FHOD3: variants seen among roughly 807,000 people sequenced by gnomAD.
The protein encoded by FHOD3 is FH1/FH2 domain-containing protein 3.
Under a neutral mutation model 173.0 loss-of-function variants are expected in FHOD3, and 90 were observed. The ratio of observed to expected loss-of-function variants is 0.52; its 90% CI spans 0.44 to 0.62. The LOEUF is 0.62. FHOD3 is among the 20% of genes least tolerant of loss of function. The pLI, the probability that FHOD3 is intolerant of heterozygous loss-of-function variation, is 0.00. For synonymous variants in FHOD3, 828 were observed against 823.0 expected, an observed-to-expected ratio of 1.01 and a Z score of -0.10; for missense variants, 1,945 against 2,034.7, an observed-to-expected ratio of 0.96 and a Z score of 0.85.
chr18:36,523,126 C>T (rs1470169411), intron 5 of FHOD3, among the ~76,000 whole-genome samples: 1 of 121,938 alleles, frequency 8.2e-6, no homozygotes, highest in Non-Finnish European at 1.8e-5. Context: ...TGTCTGGGCC[C>T]CAGCGTTCCT....
chr18:36,321,262 C>T (rs1598703163), intron 1 of FHOD3, among the ~76,000 whole-genome samples: 1 of 152,154 alleles, frequency 6.6e-6, no homozygotes, highest in African/African-American at 2.4e-5. Context: ...TAGGTTGAGG[C>T]CAGGGCCCAT....
intron 1 of FHOD3, among the ~76,000 whole-genome samples, chr18:36,305,031 T>G (rs1454409250): frequency 6.6e-6 from 1 of 152,204 alleles, no homozygotes; most frequent in Non-Finnish European, 1.5e-5. Flanking sequence ...GTTGTATACC[T>G]TGGCACCCTT....
rs555108677 is a variant in FHOD3, at chr18:36,366,006, C to T, written c.273-6674C>T. ...GCACATGTTGCCCAGGGTGCTTCCA[C>T]CTGGGTCCCCTGTGTGTCTCGGACT... On this transcript the variant is annotated intron_variant, in intron 2 of 28. Transcript: ENST00000590592. Among the ~76,000 whole-genome samples, 6 of 152,258 alleles carry T rather than the reference C, an allele frequency of 3.9e-5. No individual in the cohort carries two copies. The South Asian group carries it at 1.2e-3, about 32-fold the overall frequency.
chr18:36,685,235 T>G (rs995143231), intron 15 of FHOD3, among the ~76,000 whole-genome samples: 3 of 152,218 alleles, frequency 2.0e-5, no homozygotes, highest in Non-Finnish European at 4.4e-5. Context: ...TTCAAGTGAT[T>G]CTAACTTGTC....
intron 1 of FHOD3, among the ~76,000 whole-genome samples, chr18:36,306,568 A>G (rs976592347): frequency 6.6e-6 from 1 of 152,196 alleles, no homozygotes; most frequent in Non-Finnish European, 1.5e-5. Context: ...AAAAAATAAG[A>G]GTCAGGTCAT....
rs115847008 is a variant in FHOD3 at position 36,658,502 on chromosome 18, G to A, written c.1835+314G>A. Among the ~76,000 whole-genome samples, 821 of 152,210 alleles carry A rather than the reference G, an allele frequency of 5.4e-3. 9 individuals are homozygous for A. The highest frequency in any genetic ancestry group is 0.019 in the African/African-American group (773 of 41,536). On this transcript the variant is annotated intron_variant, in intron 14 of 28. Transcript: ENST00000590592. Reference sequence around the variant, plus strand: ...CCTTAAAAACTGTTCTAGATTTTACGTAAGCTCTGCAATTTGTTATATACA... The same window carrying A: ...CCTTAAAAACTGTTCTAGATTTTACATAAGCTCTGCAATTTGTTATATACA...
At chr18:36,761,260 G>C (rs1280824754) in intron 27 of FHOD3, among the ~76,000 whole-genome samples, 1 of 152,146 alleles carries the variant, frequency 6.6e-6, no homozygotes, top group Non-Finnish European at 1.5e-5. Flanking sequence ...CTACCCCTTT[G>C]TCCCTTTTTC....
At chr18:36,619,942 AG>A (rs1197340681) in intron 9 of FHOD3, among the ~76,000 whole-genome samples, 7 of 152,152 alleles carry the variant, frequency 4.6e-5, no homozygotes, top group African/African-American at 1.4e-4. Flanking sequence ...GGGTGGCTAC[AG>A]GGGTAGGGCC....
At chr18:36,456,947 T>C (rs532105634) in intron 3 of FHOD3, among the ~76,000 whole-genome samples, 1 of 152,158 alleles carries the variant, frequency 6.6e-6, no homozygotes, top group African/African-American at 2.4e-5. Context: ...TAAGGAGGAT[T>C]CTGTGTTTCC....
chr18:36,745,978 A>G (rs1262576246), intron 23 of FHOD3, among the ~76,000 whole-genome samples: 1 of 150,744 alleles, frequency 6.6e-6, no homozygotes, highest in Non-Finnish European at 1.5e-5. Flanking sequence ...ACACCCACTT[A>G]CCTATTTCTT....
At chr18:36,373,200 C>T (rs1195710759) in intron 3 of FHOD3, among the ~76,000 whole-genome samples, 1 of 152,132 alleles carries the variant, frequency 6.6e-6, no homozygotes, top group African/African-American at 2.4e-5. Context: ...TGCTCTTAAG[C>T]AAGCAAACAT....
chr18:36,447,513 A>G (rs1230184386), intron 3 of FHOD3, among the ~76,000 whole-genome samples: 2 of 151,884 alleles, frequency 1.3e-5, no homozygotes, highest in Non-Finnish European at 2.9e-5. Context: ...TTTTCCCCCA[A>G]TAGGGTGGCA....
In FHOD3 at chr18:36,717,849, G is replaced by T. The variant is rs1172727181; in HGVS notation, c.2551G>T (p.Val851Phe). 4 of 1,582,688 alleles carry T rather than the reference G, an allele frequency of 2.5e-6. No individual in the cohort carries two copies. Among genetic ancestry groups the T allele is most frequent in the Non-Finnish European group, 3.4e-6 (4 of 1,162,700 alleles). The change falls in exon 19 of 29, where the codon GTC becomes TTC. Residue 851 changes from valine (V) to phenylalanine (F), a missense_variant. Val to Phe is a conservative substitution (Grantham distance 50). This residue lies in a region of FHOD3 where 1,099 missense variants were observed against 1,051.2 expected (regional missense o/e 1.05). Coordinates refer to ENST00000590592, the MANE Select transcript of FHOD3 (RefSeq NM_001281740.3). ...ACTTTCAGGTTTGTGGCCCGCAGGT[G>T]TCCAGGATGCAGGTGTAAATGGACA... ...DRTTGLWPAG[V>F]QDAGVNGQCG...
intron 14 of FHOD3, among the ~76,000 whole-genome samples, chr18:36,660,605 C>T (rs1398601836): frequency 6.6e-6 from 1 of 152,146 alleles, no homozygotes; most frequent in Non-Finnish European, 1.5e-5. Flanking sequence ...GAGGTTCAGG[C>T]TTGCACGAGT....
chr18:36,502,069 A>G, intron 4 of FHOD3, 70 bp downstream of exon 4: 1 of 978,116 alleles, frequency 1.0e-6, no homozygotes, highest in South Asian at 1.7e-5. Flanking sequence ...GCAAGCTTCT[A>G]CCTGTACTTG....
At position 36,375,457 on chromosome 18, in the gene FHOD3, C is replaced by T. The variant is rs1210467376; in HGVS notation, c.337+2713C>T. On this transcript the variant is annotated intron_variant, in intron 3 of 28. Coordinates refer to ENST00000590592, the MANE Select transcript of FHOD3 (RefSeq NM_001281740.3). ...AGGATCCAGGACCAGGGTTTGTCTCCTGGGCTTAAAATGCTATCAAGTAAA... is the reference window on the plus strand; with the variant it reads ...AGGATCCAGGACCAGGGTTTGTCTCTTGGGCTTAAAATGCTATCAAGTAAA... Among the ~76,000 whole-genome samples the T allele has an allele frequency of 3.3e-5, 5 of 152,332 alleles. No individual in the cohort carries two copies. The South Asian group carries it at 8.3e-4, about 25-fold the overall frequency.
intron 5 of FHOD3, among the ~76,000 whole-genome samples, chr18:36,535,546 T>C (rs922180575): frequency 1.3e-5 from 2 of 152,208 alleles, no homozygotes; most frequent in Non-Finnish European, 2.9e-5. Flanking sequence ...TTGATTTGCC[T>C]GAAGCCAGAA....
intron 3 of FHOD3, among the ~76,000 whole-genome samples, chr18:36,395,166 T>C (rs2048491629): frequency 6.6e-6 from 1 of 152,094 alleles, no homozygotes; most frequent in Non-Finnish European, 1.5e-5. Flanking sequence ...TTTTTTTTCT[T>C]TTTTTGTGTG....
chr18:36,421,118 A>G (rs2049961294), intron 3 of FHOD3, among the ~76,000 whole-genome samples: 2 of 152,148 alleles, frequency 1.3e-5, no homozygotes, highest in South Asian at 4.1e-4. Flanking sequence ...TAAAGTTGAA[A>G]CTATTCTGGT....
Sources: allele counts gnomAD v4.1 joint callset (sites outside exome capture counted in the v4.1 genomes callset), GRCh38; gene constraint gnomAD v4.1.1; regional missense constraint gnomAD v4.1.1; transcripts MANE v1.5; gene names NCBI Gene and HGNC (gene_info 2026-07-23, HGNC 2026-07-21).